The following SIPA1L3 variants were observed in gnomAD, a reference collection of about 807,000 sequenced individuals.
SIPA1L3 encodes the protein signal-induced proliferation-associated 1-like protein 3.
A neutral mutation model predicts 150.1 loss-of-function variants in SIPA1L3; 59 were observed. The observed-to-expected ratio is 0.39, with a 90% CI of 0.32 to 0.49. SIPA1L3 has a LOEUF of 0.49. SIPA1L3 is among the 20% of genes least tolerant of loss of function. SIPA1L3 has a pLI of 0.86. For missense variants in SIPA1L3, 2,211 were observed against 2,489.5 expected (o/e 0.89, Z 2.38); for synonymous variants, 1,070 against 1,077.6 (o/e 0.99, Z 0.14).
At chr19:37,989,261 C>A (rs1429499144) in intron 1 of SIPA1L3, among the ~76,000 whole-genome samples, 2 of 152,178 alleles carry the variant, frequency 1.3e-5, no homozygotes, top group Non-Finnish European at 2.9e-5. Flanking sequence ...GCTCTGTCAC[C>A]CAGGCTGGAG....
intron 10 of SIPA1L3, among the ~76,000 whole-genome samples, chr19:38,139,311 C>T (rs573354380): frequency 2.0e-5 from 3 of 152,150 alleles, no homozygotes; most frequent in Non-Finnish European, 4.4e-5. Context: ...TCTAATTGGT[C>T]AGGCCTGGGT....
At chr19:37,945,451 T>C (rs1250819003) in intron 1 of SIPA1L3, among the ~76,000 whole-genome samples, 2 of 152,126 alleles carry the variant, frequency 1.3e-5, no homozygotes, top group African/African-American at 4.8e-5. Flanking sequence ...TTGCCTAGAC[T>C]GGTCTCGAAT....
Position 38,082,704 on chromosome 19 carries a change from C to T in SIPA1L3, c.1139C>T (p.Ala380Val). The T allele has an allele frequency of 6.2e-7, 1 of 1,610,810 alleles. No individual in the cohort carries two copies. ...GCTTCGGCCGCTTCCGCCGCCTCGG[C>T]CATGGCCTCCCTCACGGCCTCGCGG... ...TGASAASAAS[A>V]MASLTASRAH... The change falls in exon 3 of 22, where the codon GCC becomes GTC. Residue 380 changes from alanine (A) to valine (V), a missense_variant. Around this residue, in one of 5 missense-constraint regions of SIPA1L3, gnomAD observed 587 missense variants for 534.5 expected, o/e 1.10. Coordinates refer to ENST00000222345, the MANE Select transcript of SIPA1L3 (RefSeq NM_015073.3).
intron 19 of SIPA1L3, among the ~76,000 whole-genome samples, chr19:38,199,581 T>A (rs1973039572): frequency 6.6e-6 from 1 of 151,828 alleles, no homozygotes. Context: ...CTTATAAAAT[T>A]AATAGATGAA....
At chr19:38,002,633 C>G (rs372317820) in intron 1 of SIPA1L3, among the ~76,000 whole-genome samples, 1 of 139,718 alleles carries the variant, frequency 7.2e-6, no homozygotes, top group Non-Finnish European at 1.5e-5. Context: ...GCAGGAGAAT[C>G]GCTTGAACCT....
At chr19:38,133,315 G>A (rs1295927469) in intron 10 of SIPA1L3, among the ~76,000 whole-genome samples, 2 of 152,200 alleles carry the variant, frequency 1.3e-5, no homozygotes, top group African/African-American at 2.4e-5. Context: ...ATTTCATGAC[G>A]GTTTGCAGAC....
At chr19:37,984,032 T>A (rs746160478) in intron 1 of SIPA1L3, among the ~76,000 whole-genome samples, 2 of 152,102 alleles carry the variant, frequency 1.3e-5, no homozygotes, top group African/African-American at 4.8e-5. Context: ...CGAAACTATG[T>A]GTTCTTTGTG....
chr19:37,919,179 C>T (rs1320292017), intron 1 of SIPA1L3, among the ~76,000 whole-genome samples: 4 of 152,128 alleles, frequency 2.6e-5, no homozygotes, highest in Non-Finnish European at 5.9e-5. Context: ...TGAATCCTGG[C>T]CTTCTACCTA....
At chr19:38,065,560 G>A (rs913621873) in intron 2 of SIPA1L3, among the ~76,000 whole-genome samples, 1 of 151,938 alleles carries the variant, frequency 6.6e-6, no homozygotes, top group East Asian at 1.9e-4. Flanking sequence ...GGGATTACAG[G>A]TGCCTGCCAC....
chr19:38,100,451 A>G (rs1450142486), intron 5 of SIPA1L3, among the ~76,000 whole-genome samples: 1 of 152,100 alleles, frequency 6.6e-6, no homozygotes, highest in African/African-American at 2.4e-5. Flanking sequence ...CCCGCTCCAC[A>G]TGCTGGCTCC....
chr19:38,149,230 A>T (rs1232995529), intron 12 of SIPA1L3, among the ~76,000 whole-genome samples: 1 of 152,274 alleles, frequency 6.6e-6, no homozygotes, highest in African/African-American at 2.4e-5. Context: ...GTGAAACCTC[A>T]TCTCTAATAA....
chr19:38,176,035 G>A (rs935049920), intron 15 of SIPA1L3, among the ~76,000 whole-genome samples: 33 of 151,992 alleles, frequency 2.2e-4, no homozygotes, highest in Middle Eastern at 3.4e-3. Flanking sequence ...ATGAAACCCC[G>A]TCTCTACTAA....
intron 1 of SIPA1L3, among the ~76,000 whole-genome samples, chr19:38,013,534 A>C (rs534939532): frequency 1.3e-5 from 2 of 152,356 alleles, no homozygotes; most frequent in South Asian, 4.1e-4. Context: ...CACCCATGTC[A>C]CACATGTTCT....
intron 15 of SIPA1L3, among the ~76,000 whole-genome samples, chr19:38,167,512 G>C (rs549776577): frequency 1.3e-5 from 2 of 152,272 alleles, no homozygotes; most frequent in African/African-American, 2.4e-5. Context: ...GACAGACAGA[G>C]AGAGACACTG....
At chr19:38,181,605 AG>A (rs1427269399) in intron 15 of SIPA1L3, among the ~76,000 whole-genome samples, 4 of 152,058 alleles carry the variant, frequency 2.6e-5, no homozygotes, top group African/African-American at 9.7e-5. Context: ...ACACTTTGGG[AG>A]GCTGAGGTAG....
rs149475114 is a variant in SIPA1L3, at chr19:37,950,156, T to C, written c.-379+42798T>C. 3.5e-3 allele frequency among the ~76,000 whole-genome samples: 528 copies of C among 151,644 alleles called. 3 individuals carry two copies. Among genetic ancestry groups the C allele is most frequent in the African/African-American group, 0.012 (493 of 41,272 alleles). On this transcript the variant is annotated intron_variant, in intron 1 of 21. Transcript: ENST00000222345. Reference sequence around the variant, plus strand: ...TCTGCCACTTGCTAGCTGTGTGACCTTGGACTCATCACCTCACTCTTGGGG... The same window carrying C: ...TCTGCCACTTGCTAGCTGTGTGACCCTGGACTCATCACCTCACTCTTGGGG...
At chr19:38,005,015 T>G (rs10853715) in intron 1 of SIPA1L3, among the ~76,000 whole-genome samples, 121,604 of 152,036 alleles carry the variant, frequency 0.8, 49,349 homozygotes, top group East Asian at 0.97. Context: ...ACCCGAGGAG[T>G]GGAGGATGTC....
chr19:37,952,427 C>A (rs373764802), intron 1 of SIPA1L3, among the ~76,000 whole-genome samples: 1 of 152,130 alleles, frequency 6.6e-6, no homozygotes. Context: ...AATCCTAGCA[C>A]TTTGGGATGC....
chr19:38,198,764 G>C (rs1449395422), intron 19 of SIPA1L3, among the ~76,000 whole-genome samples: 1 of 152,212 alleles, frequency 6.6e-6, no homozygotes, highest in Admixed American at 6.5e-5. Flanking sequence ...CATGCCTGAG[G>C]CTGCCATGAC....
Sources: gnomAD v4.1 joint callset for allele counts (sites outside exome capture counted in the v4.1 genomes callset) on GRCh38, gnomAD v4.1.1 for gene constraint, gnomAD v4.1.1 regional missense constraint, MANE v1.5 for transcripts, NCBI Gene and HGNC (gene_info 2026-07-23, HGNC 2026-07-21) for gene names.